Variants in POU3F3 observed in about 807,000 individuals in gnomAD.
POU3F3 encodes POU class 3 homeobox 3, also known as POU domain, class 3, transcription factor 3.
A neutral mutation model predicts 8.6 loss-of-function variants in POU3F3; 1 was observed. That is an observed-to-expected ratio of 0.12 (90% confidence interval 0.04 to 0.55). The LOEUF (loss-of-function observed/expected upper bound fraction) is 0.55. Ranked by LOEUF, POU3F3 falls within the 20% of genes least tolerant of loss-of-function variation. POU3F3 has a pLI of 0.91. For synonymous variants in POU3F3, 418 were observed against 327.4 expected, an observed-to-expected ratio of 1.28 and a Z score of -2.99; for missense variants, 577 against 690.7, an observed-to-expected ratio of 0.84 and a Z score of 1.84.
the POU3F3 span, among the ~76,000 whole-genome samples, chr2:104,910,365 C>G: frequency 6.6e-6 from 1 of 152,112 alleles, no homozygotes; most frequent in Non-Finnish European, 1.5e-5. Flanking sequence ...GGCTTCTTCT[C>G]TACTCTACAA....
chr2:104,911,921 A>C, the POU3F3 span, among the ~76,000 whole-genome samples: 1 of 152,162 alleles, frequency 6.6e-6, no homozygotes, highest in Non-Finnish European at 1.5e-5. Flanking sequence ...GCTGATATAT[A>C]ATATTATTAT....
the POU3F3 span, among the ~76,000 whole-genome samples, chr2:104,900,456 G>A: frequency 6.6e-6 from 1 of 152,144 alleles, no homozygotes. Context: ...CCTAACTTAA[G>A]TCTTTTAATT....
the POU3F3 span, among the ~76,000 whole-genome samples, chr2:104,903,059 G>A: frequency 2.0e-5 from 3 of 152,106 alleles, no homozygotes; most frequent in African/African-American, 4.8e-5. Flanking sequence ...TACCAAAATA[G>A]GCATATTTCT....
At chr2:104,886,931 A>T in the POU3F3 span, among the ~76,000 whole-genome samples, 60 of 152,208 alleles carry the variant, frequency 3.9e-4, no homozygotes, top group South Asian at 1.7e-3. Flanking sequence ...AAAAAAATTT[A>T]AAAAATTTTA....
At chr2:104,896,645 C>T in the POU3F3 span, among the ~76,000 whole-genome samples, 1 of 152,128 alleles carries the variant, frequency 6.6e-6, no homozygotes, top group Admixed American at 6.5e-5. Flanking sequence ...TGAGAGCTGG[C>T]TTGCAGCCAG....
In POU3F3 at chr2:104,857,063, C is replaced by T; in HGVS notation, c.*50C>T. 7.4e-7 allele frequency: 1 copy of T among 1,346,682 alleles called. No homozygotes were observed. Among genetic ancestry groups the T allele is most frequent in the East Asian group, 3.0e-5 (1 of 33,746 alleles). 83.4% of individuals were successfully genotyped at this position (1,346,682 alleles called of 1,614,324 possible). On this transcript the variant is annotated 3_prime_UTR_variant, in exon 1 of 1. Coordinates refer to ENST00000361360, the MANE Select transcript of POU3F3 (RefSeq NM_006236.3). ...CCGCCGCCGCCGCCGCCTCCGCAGC[C>T]GCCGTCAGCACCGCCGCCGCCCCTG...
the POU3F3 span, among the ~76,000 whole-genome samples, chr2:104,884,860 G>A: frequency 1.2e-3 from 190 of 152,276 alleles, no homozygotes; most frequent in African/African-American, 4.3e-3. Context: ...CGACAAATAA[G>A]GAGAGAAGGA....
the POU3F3 span, among the ~76,000 whole-genome samples, chr2:104,876,825 C>G: frequency 6.6e-6 from 1 of 152,190 alleles, no homozygotes; most frequent in Non-Finnish European, 1.5e-5. Context: ...ACCTCGACCT[C>G]CCTTCTGCCA....
At chr2:104,883,687 C>T in the POU3F3 span, among the ~76,000 whole-genome samples, 1 of 152,156 alleles carries the variant, frequency 6.6e-6, no homozygotes, top group Admixed American at 6.5e-5. Flanking sequence ...CTTCCGTAGC[C>T]GCTGGTGTGT....
the POU3F3 span, among the ~76,000 whole-genome samples, chr2:104,919,511 C>T: frequency 3.9e-5 from 6 of 152,292 alleles, no homozygotes; most frequent in East Asian, 1.2e-3. Context: ...ATGTAATTGC[C>T]TCAAAAACTC....
At chr2:104,910,683 C>G in the POU3F3 span, among the ~76,000 whole-genome samples, 1 of 152,038 alleles carries the variant, frequency 6.6e-6, no homozygotes, top group Non-Finnish European at 1.5e-5. Flanking sequence ...TAAAGCTCTC[C>G]AAATGGAAGA....
chr2:104,865,095 G>GT, the POU3F3 span, among the ~76,000 whole-genome samples: 1 of 152,218 alleles, frequency 6.6e-6, no homozygotes, highest in African/African-American at 2.4e-5. Flanking sequence ...CTTCCTGAGA[G>GT]TTTATATCTA....
the POU3F3 span, among the ~76,000 whole-genome samples, chr2:104,901,440 G>A: frequency 3.3e-5 from 5 of 152,152 alleles, no homozygotes; most frequent in Non-Finnish European, 5.9e-5. Context: ...CACGGCAGCC[G>A]GGTGAGTGCT....
the POU3F3 span, among the ~76,000 whole-genome samples, chr2:104,891,560 G>A: frequency 6.6e-6 from 1 of 152,150 alleles, no homozygotes; most frequent in Non-Finnish European, 1.5e-5. Flanking sequence ...ATTCTAAAAT[G>A]TGATAGAAGG....
At chr2:104,864,675 T>A in the POU3F3 span, among the ~76,000 whole-genome samples, 1 of 152,232 alleles carries the variant, frequency 6.6e-6, no homozygotes, top group Non-Finnish European at 1.5e-5. Context: ...AAACAGAATT[T>A]TTGCTTTAAA....
chr2:104,855,801 G>T lies in POU3F3; in HGVS notation c.291G>T (p.Trp97Cys). 1 of 1,282,914 alleles carries T rather than the reference G, an allele frequency of 7.8e-7. No homozygotes were observed. Among genetic ancestry groups the T allele is most frequent in the Non-Finnish European group, 1.0e-6 (1 of 995,870 alleles). The allele number at this position is 1,282,914 out of a possible 1,614,324, so 79.5% of individuals were successfully genotyped here. The change falls in exon 1 of 1, where the codon TGG becomes TGT. Residue 97 changes from tryptophan to cysteine, a missense_variant. By Grantham distance (215) the Trp-to-Cys change is radical. This residue lies in a region of POU3F3 where 484 missense variants were observed against 422.6 expected (regional missense o/e 1.15). Coordinates refer to ENST00000361360, the MANE Select transcript of POU3F3 (RefSeq NM_006236.3). ...ATATGCTGAGCCACGCGCACCAGTGGGTCACAGCCCTGCCCCACGCCGCCG... is the reference window on the plus strand; with the variant it reads ...ATATGCTGAGCCACGCGCACCAGTGTGTCACAGCCCTGCCCCACGCCGCCG... ...GGHMLSHAHQ[W>C]VTALPHAAAA... is the part of the protein sequence containing the mutation.
chr2:104,857,001 G>C lies in POU3F3; in HGVS notation c.1491G>C (p.Thr497=), dbSNP rs770227812. ...DTPPPHHGLQ[T]SVQ ...CGCCGCCTCACCACGGGCTGCAGAC[G>C]AGCGTTCAGTGAAGCCAGGGCGCAG... Residue 497 remains threonine (T), a synonymous_variant, in exon 1 of 1, where the codon ACG becomes ACC. Coordinates refer to ENST00000361360, the MANE Select transcript of POU3F3 (RefSeq NM_006236.3). 2.5e-6 allele frequency: 4 copies of C among 1,601,250 alleles called. No homozygotes were observed. Among genetic ancestry groups the C allele is most frequent in the Middle Eastern group, 1.7e-4 (1 of 5,864 alleles).
At position 104,856,145 on chromosome 2, in the gene POU3F3, G is replaced by A; in HGVS notation, c.635G>A (p.Gly212Asp). 8.1e-7 allele frequency: 1 copy of A among 1,229,144 alleles called. No homozygotes were observed. Among genetic ancestry groups the A allele is most frequent in the South Asian group, 2.9e-5 (1 of 34,126 alleles). The allele number at this position is 1,229,144 out of a possible 1,614,324, so 76.1% of individuals were successfully genotyped here. ...GCGCACCTCCCGTCCATGGCCGGGG[G>A]CCAGCAGCCGCCGCCGCAGAGTCTG... ...AAAHLPSMAG[G>D]QQPPPQSLLY... Residue 212 changes from glycine (G) to aspartate (D), a missense_variant, in exon 1 of 1, where the codon GGC becomes GAC. Physicochemically the swap from Gly to Asp is moderately conservative, Grantham distance 94 (BLOSUM62 -1). Coordinates refer to ENST00000361360, the MANE Select transcript of POU3F3 (RefSeq NM_006236.3).
chr2:104,886,988 GC>G, the POU3F3 span, among the ~76,000 whole-genome samples: 11 of 152,172 alleles, frequency 7.2e-5, no homozygotes, highest in Admixed American at 5.2e-4. Context: ...AGACAGAGCA[GC>G]CCCGAGGGCT....
Sources: gnomAD v4.1 joint callset for allele counts (sites outside exome capture counted in the v4.1 genomes callset) on GRCh38, gnomAD v4.1.1 for gene constraint, gnomAD v4.1.1 regional missense constraint, MANE v1.5 for transcripts, NCBI Gene and HGNC (gene_info 2026-07-23, HGNC 2026-07-21) for gene names.